Variants in PLCB4 observed in about 807,000 individuals in gnomAD.
PLCB4 encodes 1-phosphatidylinositol 4,5-bisphosphate phosphodiesterase beta-4.
PLCB4 carries 77 observed loss-of-function variants against 178.8 expected under a neutral mutation model. The ratio of observed to expected loss-of-function variants is 0.43; its 90% CI spans 0.36 to 0.52. The LOEUF (loss-of-function observed/expected upper bound fraction) is 0.52, where lower values mean the gene tolerates loss of function less well. Ranked by LOEUF, PLCB4 falls within the 20% of genes least tolerant of loss-of-function variation. PLCB4 has a pLI of 0.00. For missense variants in PLCB4, 1,024 were observed against 1,453.4 expected (o/e 0.70, Z 4.80); for synonymous variants, 496 against 490.8 (o/e 1.01, Z -0.14).
intron 12 of PLCB4, among the ~76,000 whole-genome samples, chr20:9,374,522 G>A (rs2036514005): frequency 6.6e-6 from 1 of 152,054 alleles, no homozygotes; most frequent in East Asian, 1.9e-4. Context: ...ATCATCTTAG[G>A]TTTGGTGAGG....
chr20:9,117,871 C>T (rs2091832999), intron 2 of PLCB4, among the ~76,000 whole-genome samples: 1 of 152,142 alleles, frequency 6.6e-6, no homozygotes. Context: ...TCCGTGGCTT[C>T]CCTTTCTAAA....
At chr20:9,394,065 A>G (rs879822549) in intron 18 of PLCB4, among the ~76,000 whole-genome samples, 10 of 152,192 alleles carry the variant, frequency 6.6e-5, no homozygotes, top group Admixed American at 1.3e-4. Flanking sequence ...TAGGGATACT[A>G]GGTACATATG....
chr20:9,336,574 G>A (rs2032496222), intron 4 of PLCB4, among the ~76,000 whole-genome samples: 3 of 152,020 alleles, frequency 2.0e-5, no homozygotes, highest in Admixed American at 1.3e-4. Flanking sequence ...CTCATATTCT[G>A]CAATTCAGTA....
At chr20:9,174,456 T>C (rs1430044437) in intron 2 of PLCB4, among the ~76,000 whole-genome samples, 1 of 151,814 alleles carries the variant, frequency 6.6e-6, no homozygotes, top group Non-Finnish European at 1.5e-5. Context: ...ATTCTTCTTT[T>C]TTTTTTTTTT....
intron 4 of PLCB4, among the ~76,000 whole-genome samples, chr20:9,330,974 C>T (rs1223496460): frequency 6.6e-6 from 1 of 152,196 alleles, no homozygotes; most frequent in Non-Finnish European, 1.5e-5. Context: ...CTTAGACATT[C>T]TCAATATTAA....
chr20:9,173,201 T>C (rs928962487), intron 2 of PLCB4, among the ~76,000 whole-genome samples: 2 of 152,230 alleles, frequency 1.3e-5, no homozygotes, highest in African/African-American at 4.8e-5. Context: ...ATCCATCCTG[T>C]GTCCTTAGTT....
At chr20:9,327,079 T>G (rs1233487633) in intron 4 of PLCB4, among the ~76,000 whole-genome samples, 2 of 152,126 alleles carry the variant, frequency 1.3e-5, no homozygotes, top group Non-Finnish European at 2.9e-5. Context: ...TCATTTGTCT[T>G]TGATGGTTAA....
chr20:9,426,490 T>A (rs1316487732), intron 28 of PLCB4, among the ~76,000 whole-genome samples: 1 of 152,114 alleles, frequency 6.6e-6, no homozygotes, highest in African/African-American at 2.4e-5. Context: ...GCGATTCTCC[T>A]GTCTCAGCCT....
intron 3 of PLCB4, among the ~76,000 whole-genome samples, chr20:9,237,729 GA>G (rs1309174004): frequency 2.0e-5 from 3 of 152,206 alleles, no homozygotes; most frequent in Admixed American, 2.0e-4. Flanking sequence ...ACTTTGCACA[GA>G]AGTGAAATGC....
intron 24 of PLCB4, 87 bp downstream of exon 24, chr20:9,409,268 A>AT (rs2039686092): frequency 9.1e-7 from 1 of 1,094,556 alleles, no homozygotes; most frequent in East Asian, 2.7e-5. Context: ...GGCTGTGGGC[A>AT]TTTTTTAAAG....
At chr20:9,365,342 G>T (rs1343832233) in intron 8 of PLCB4, 119 bp from the exon 9 acceptor site, 10 of 646,112 alleles carry the variant, frequency 1.5e-5, no homozygotes, top group Non-Finnish European at 2.5e-5. Flanking sequence ...GCACATAATT[G>T]TCTGATTTTC....
At chr20:9,153,596 C>T (rs571612796) in intron 2 of PLCB4, among the ~76,000 whole-genome samples, 11 of 152,216 alleles carry the variant, frequency 7.2e-5, no homozygotes, top group South Asian at 4.1e-4. Flanking sequence ...TTCCCGGTCT[C>T]GGATATGTCT....
At chr20:9,090,027 A>G (rs1294011080) in intron 1 of PLCB4, among the ~76,000 whole-genome samples, 2 of 152,166 alleles carry the variant, frequency 1.3e-5, no homozygotes, top group Non-Finnish European at 2.9e-5. Flanking sequence ...AGAGATTTTC[A>G]AAGAAGTTGT....
intron 2 of PLCB4, among the ~76,000 whole-genome samples, chr20:9,114,435 G>A (rs1430267063): frequency 1.3e-5 from 2 of 152,144 alleles, no homozygotes; most frequent in Non-Finnish European, 2.9e-5. Context: ...AACAGCCTAG[G>A]TAGAGGATTA....
chr20:9,128,063 G>A (rs1390547593), intron 2 of PLCB4, among the ~76,000 whole-genome samples: 1 of 152,178 alleles, frequency 6.6e-6, no homozygotes, highest in East Asian at 1.9e-4. Flanking sequence ...CATTGTTGGA[G>A]GTGGGGCCTG....
At chr20:9,306,840 C>T (rs1313226087) in intron 3 of PLCB4, among the ~76,000 whole-genome samples, 1 of 152,184 alleles carries the variant, frequency 6.6e-6, no homozygotes, top group Non-Finnish European at 1.5e-5. Context: ...CTGAACAGTG[C>T]CTAGCCTCTC....
At chr20:9,333,858 C>A (rs1212851417) in intron 4 of PLCB4, among the ~76,000 whole-genome samples, 1 of 151,972 alleles carries the variant, frequency 6.6e-6, no homozygotes, top group East Asian at 1.9e-4. Flanking sequence ...CAATAAGTGA[C>A]CAGATGCTAG....
chr20:9,239,791 A>G (rs2094036550), intron 3 of PLCB4, among the ~76,000 whole-genome samples: 1 of 152,208 alleles, frequency 6.6e-6, no homozygotes, highest in African/African-American at 2.4e-5. Context: ...GGAAGCTGAC[A>G]GTGCAGTCTT....
chr20:9,466,827 G>T (rs2043818282), intron 35 of PLCB4, among the ~76,000 whole-genome samples: 1 of 152,176 alleles, frequency 6.6e-6, no homozygotes, highest in Admixed American at 6.5e-5. Flanking sequence ...TTACACTGTT[G>T]GTGGGAGTGT....
Sources: gnomAD v4.1 joint callset for allele counts (sites outside exome capture counted in the v4.1 genomes callset) on GRCh38, gnomAD v4.1.1 for gene constraint, MANE v1.5 for transcripts, NCBI Gene and HGNC (gene_info 2026-07-23, HGNC 2026-07-21) for gene names.